GPLD1: variants seen among roughly 807,000 people sequenced by gnomAD.
GPLD1 encodes phosphatidylinositol-glycan-specific phospholipase D.
In GPLD1, 84 loss-of-function variants were observed where a neutral mutation model predicts 112.6. That is an observed-to-expected ratio of 0.75 (90% CI 0.63 to 0.89). GPLD1 has a LOEUF of 0.89. Among genes scored for constraint, GPLD1 ranks in the 40% least tolerant of loss-of-function variants. The probability of loss-of-function intolerance (pLI) is 0.00; values close to 1 mark genes in which losing one functional copy is unlikely to be tolerated. For synonymous variants in GPLD1, 386 were observed against 403.8 expected (o/e 0.96, Z 0.53); for missense variants, 1,044 against 1,051.5 (o/e 0.99, Z 0.10).
Position 24,427,845 on chromosome 6 carries a change from CAAAAAAAAA to C in GPLD1, c.*1178_*1186del, listed in dbSNP as rs72112585. ...TGGGCAACAGAGCAAGACTCCGTCT[CAAAAAAAAA>C]AAAAAAAAAAAAGGACTATCATCCT... is the stretch of plus-strand genomic sequence containing the variant. On this transcript the variant is annotated 3_prime_UTR_variant, in exon 25 of 25. Transcript: ENST00000230036. Among the ~76,000 whole-genome samples the C allele has an allele frequency of 1.1e-5, 1 of 87,588 alleles. No homozygotes were observed. Among genetic ancestry groups the C allele is most frequent in the Admixed American group, 1.5e-4 (1 of 6,724 alleles). 57.5% of individuals were successfully genotyped at this position (87,588 alleles called of 152,430 possible).
intron 12 of GPLD1, 131 bp downstream of exon 12, chr6:24,460,148 T>G: frequency 9.7e-7 from 1 of 1,035,328 alleles, no homozygotes; most frequent in Non-Finnish European, 1.5e-6. Context: ...TCCTCTCAAC[T>G]CAGCCTCCCA....
intron 22 of GPLD1, chr6:24,435,836 A>AAAAAAAAAAAAAAAAAATAAAAAT: frequency 6.8e-6 from 1 of 146,640 alleles, no homozygotes; most frequent in Non-Finnish European, 1.5e-5. Flanking sequence ...AAAAAAAAAA[A>AAAAAAAAAAAAAAAAAATAAAAAT]AAAAAAAAAA....
At chr6:24,435,439 G>T (rs1225002231) in intron 22 of GPLD1, among the ~76,000 whole-genome samples, 1 of 152,116 alleles carries the variant, frequency 6.6e-6, no homozygotes, top group Non-Finnish European at 1.5e-5. Context: ...AGGTAAGCAG[G>T]TATTAGCTCT....
At chr6:24,460,554 A>C (rs1763402058) in intron 11 of GPLD1, among the ~76,000 whole-genome samples, 155 bp from the exon 12 acceptor site, 2 of 152,132 alleles carry the variant, frequency 1.3e-5, no homozygotes, top group Admixed American at 1.3e-4. Flanking sequence ...GTTTTAGAAA[A>C]CCTTCATTTC....
chr6:24,473,426 T>C (rs1199566478), intron 6 of GPLD1, 193 bp downstream of exon 6: 1 of 414,202 alleles, frequency 2.4e-6, no homozygotes, highest in Non-Finnish European at 4.5e-6. Context: ...AAAATACATA[T>C]AGACACAAGT....
chr6:24,467,188 G>T lies in GPLD1; in HGVS notation c.632C>A (p.Ser211Ter). Residue 211 changes from serine to a stop codon, truncating the protein, a stop_gained, in exon 8 of 25, where the codon TCA becomes TAA. Coordinates refer to ENST00000230036, the MANE Select transcript of GPLD1 (RefSeq NM_001503.4). LOFTEE classifies it high-confidence loss of function. ...TTACATTTCTAAGAACTGGATATGT[G>T]AACAATCAACGATTACATTTTCGGT... is the stretch of plus-strand genomic sequence containing the variant. ...VITENVIVDC[S>*]HIQFLEMYGE... 1.9e-6 allele frequency: 3 copies of T among 1,589,288 alleles called. No individual in the cohort carries two copies. Among genetic ancestry groups the T allele is most frequent in the Middle Eastern group, 1.7e-4 (1 of 6,004 alleles).
upstream of GPLD1, chr6:24,495,260 C>G (rs759932020): frequency 6.5e-7 from 1 of 1,532,382 alleles, no homozygotes; most frequent in Non-Finnish European, 8.7e-7. Context: ...CCGCTCTGGG[C>G]ATGGTAGCCG....
chr6:24,440,284 A>C (rs952656037), intron 20 of GPLD1, among the ~76,000 whole-genome samples: 1 of 152,140 alleles, frequency 6.6e-6, no homozygotes, highest in Non-Finnish European at 1.5e-5. Flanking sequence ...GTGAGACCCC[A>C]TCACTACAAA....
At chr6:24,437,959 G>A (rs1762632483) in intron 20 of GPLD1, among the ~76,000 whole-genome samples, 1 of 152,102 alleles carries the variant, frequency 6.6e-6, no homozygotes, top group Non-Finnish European at 1.5e-5. Context: ...GAGTCCAGTG[G>A]GACTTTAGCT....
At chr6:24,476,435 C>T (rs919898291) in intron 3 of GPLD1, among the ~76,000 whole-genome samples, 157 bp from the exon 4 acceptor site, 17 of 152,144 alleles carry the variant, frequency 1.1e-4, no homozygotes, top group Non-Finnish European at 2.2e-4. Flanking sequence ...GCCTCTAAAA[C>T]GGAAGAGCCA....
intron 2 of GPLD1, among the ~76,000 whole-genome samples, chr6:24,485,585 C>T (rs77980283): frequency 0.19 from 29,094 of 151,642 alleles, 3,083 homozygotes; most frequent in African/African-American, 0.28. Flanking sequence ...TTGGAAGAGA[C>T]ATATACCTTT....
chr6:24,441,984 TTATA>T (rs747276276), intron 20 of GPLD1, among the ~76,000 whole-genome samples: 156 of 148,530 alleles, frequency 1.1e-3, no homozygotes, highest in Non-Finnish European at 1.7e-3. Context: ...CATTCATACA[TTATA>T]TATAGACACA....
rs370925167 is a variant in GPLD1, at chr6:24,449,826, C to G, written c.1409G>C (p.Gly470Ala). ...CTGCTCGGAGCCCACCGAGGGAGCT[C>G]CCACGGCCAGGTCAGGCACGCCGTC... ...NVDGVPDLAV[G>A]APSVGSEQLT... Residue 470 changes from glycine to alanine, a missense_variant, in exon 15 of 25, where the codon GGA becomes GCA. Coordinates refer to ENST00000230036, the MANE Select transcript of GPLD1 (RefSeq NM_001503.4). 2.5e-6 allele frequency: 4 copies of G among 1,613,736 alleles called. No individual in the cohort carries two copies. The African/African-American group carries it at 5.3e-5, about 22-fold the overall frequency.
rs755137128 is a variant in GPLD1 at position 24,446,824 on chromosome 6, A to G, written c.1820+14T>C. The G allele has an allele frequency of 1.9e-6, 3 of 1,611,814 alleles. No homozygotes were observed. The highest frequency in any genetic ancestry group is 3.3e-5 in the Admixed American group (2 of 59,772). ...CCTGTGTTCATGGTTCCCAGCCCCC[A>G]GCATCAGCCTCACCTGCTGGCATTC... On this transcript the variant is annotated intron_variant, in intron 18 of 24. Transcript: ENST00000230036.
rs190714908 is a variant in GPLD1 at position 24,475,809 on chromosome 6, G to A, written c.330+372C>T. Among the ~76,000 whole-genome samples, 577 of 147,694 alleles carry A rather than the reference G, an allele frequency of 3.9e-3. 3 individuals carry two copies. Among genetic ancestry groups the A allele is most frequent in the African/African-American group, 0.013 (535 of 39,874 alleles). On this transcript the variant is annotated intron_variant, in intron 4 of 24. Coordinates refer to ENST00000230036, the MANE Select transcript of GPLD1 (RefSeq NM_001503.4). ...GGAGGTGGAGCTTGCAGTGAGCTAA[G>A]ATCGCGCCACTGCACTCCAGCCTGG...
rs1237555051 is a variant in GPLD1, at chr6:24,426,412, CA to C, written c.*2619del. Among the ~76,000 whole-genome samples the C allele has an allele frequency of 5.9e-5, 9 of 152,230 alleles. No individual in the cohort carries two copies. The South Asian group carries it at 1.7e-3, about 28-fold the overall frequency. ...ACGTGCCATATCAGTTGACCTTTTACAGTAGGAGTATAATTTACATTGTTTT... is the reference window on the plus strand; with the variant it reads ...ACGTGCCATATCAGTTGACCTTTTACGTAGGAGTATAATTTACATTGTTTT... On this transcript the variant is annotated 3_prime_UTR_variant, in exon 25 of 25. Coordinates refer to ENST00000230036, the MANE Select transcript of GPLD1 (RefSeq NM_001503.4).
At chr6:24,433,638 G>T (rs748123018) in intron 22 of GPLD1, 1 of 390,554 alleles carries the variant, frequency 2.6e-6, no homozygotes, top group Non-Finnish European at 4.6e-6. Context: ...AATTACAGGC[G>T]CCCACCACCA....
intron 21 of GPLD1, 84 bp downstream of exon 21, chr6:24,437,029 C>G: frequency 8.2e-7 from 1 of 1,226,550 alleles, no homozygotes; most frequent in Non-Finnish European, 1.2e-6. Context: ...ATTATAAGGG[C>G]AGAGCCCAGA....
chr6:24,445,499 C>A, intron 20 of GPLD1, 47 bp downstream of exon 20: 2 of 1,248,860 alleles, frequency 1.6e-6, no homozygotes, highest in South Asian at 1.2e-5. Context: ...CATGTACAAG[C>A]AGCCACATGA....
Sources: allele counts gnomAD v4.1 joint callset (sites outside exome capture counted in the v4.1 genomes callset), GRCh38; gene constraint gnomAD v4.1.1; transcripts MANE v1.5; gene names NCBI Gene and HGNC (gene_info 2026-07-23, HGNC 2026-07-21).